Variants in PDCL2 observed in about 807,000 individuals in gnomAD.
PDCL2 encodes phosducin-like protein 2.
In PDCL2, 23 loss-of-function variants were observed where a neutral mutation model predicts 30.3. The observed-to-expected ratio is 0.76, with a 90% confidence interval of 0.55 to 1.08. The LOEUF is 1.08. PDCL2 is among the 50% of genes least tolerant of loss of function. The pLI, the probability that PDCL2 is intolerant of heterozygous loss-of-function variation, is 0.00. For synonymous variants in PDCL2, 68 were observed against 86.2 expected, an observed-to-expected ratio of 0.79 and a Z score of 1.17; for missense variants, 243 against 282.3, an observed-to-expected ratio of 0.86 and a Z score of 1.00.
intron 3 of PDCL2, among the ~76,000 whole-genome samples, chr4:55,574,701 A>G (rs1027337461): frequency 6.6e-6 from 1 of 152,126 alleles, no homozygotes; most frequent in African/African-American, 2.4e-5. Context: ...GTAACCAATA[A>G]TTGTGTTCTG....
At chr4:55,588,945 C>T (rs1252230672) in intron 1 of PDCL2, among the ~76,000 whole-genome samples, 1 of 151,702 alleles carries the variant, frequency 6.6e-6, no homozygotes, top group African/African-American at 2.4e-5. Context: ...GCAAGCTCTG[C>T]CTCCTGGGTT....
At chr4:55,576,119 T>C (rs1248733920) in intron 3 of PDCL2, among the ~76,000 whole-genome samples, 3 of 152,040 alleles carry the variant, frequency 2.0e-5, no homozygotes, top group Non-Finnish European at 2.9e-5. Flanking sequence ...TTTGAGACAG[T>C]CTTGCTTTGT....
intron 3 of PDCL2, among the ~76,000 whole-genome samples, chr4:55,576,063 G>C (rs1176369653): frequency 6.6e-6 from 1 of 151,862 alleles, no homozygotes; most frequent in Non-Finnish European, 1.5e-5. Context: ...TTTTACATAG[G>C]AAAATGTAAA....
At chr4:55,565,973 GTTTTTT>G (rs71194595) in intron 4 of PDCL2, among the ~76,000 whole-genome samples, 9 of 74,502 alleles carry the variant, frequency 1.2e-4, no homozygotes, top group African/African-American at 3.6e-4. Flanking sequence ...CCATTTTTCT[GTTTTTT>G]TTTTTTTTTT....
At chr4:55,579,308 T>C (rs1421435244) in intron 3 of PDCL2, among the ~76,000 whole-genome samples, 1 of 152,070 alleles carries the variant, frequency 6.6e-6, no homozygotes, top group Non-Finnish European at 1.5e-5. Flanking sequence ...TATTAGAGAA[T>C]AGTATTTATT....
chr4:55,572,068 C>T (rs772177132), intron 3 of PDCL2, among the ~76,000 whole-genome samples: 1 of 120,066 alleles, frequency 8.3e-6, no homozygotes, highest in East Asian at 2.8e-4. Context: ...TCTCCTCTTC[C>T]ACTTCTTCCT....
chr4:55,580,997 C>T (rs906062204), intron 2 of PDCL2, 86 bp from the exon 3 acceptor site: 4 of 903,394 alleles, frequency 4.4e-6, no homozygotes, highest in Admixed American at 6.3e-5. Context: ...CCGTCTTATA[C>T]AAAGGAGATC....
chr4:55,582,465 T>C (rs577068720), intron 1 of PDCL2, among the ~76,000 whole-genome samples: 21 of 152,330 alleles, frequency 1.4e-4, no homozygotes, highest in Middle Eastern at 3.4e-3. Context: ...AGAATACATA[T>C]AGAGAATATT....
At chr4:55,559,225 T>C (rs764763908) in intron 5 of PDCL2, among the ~76,000 whole-genome samples, 1 of 152,222 alleles carries the variant, frequency 6.6e-6, no homozygotes, top group Non-Finnish European at 1.5e-5. Flanking sequence ...TCAAGTGAAG[T>C]TGAAAATGTG....
chr4:55,583,465 T>A (rs1324531218), intron 1 of PDCL2, among the ~76,000 whole-genome samples: 1 of 152,190 alleles, frequency 6.6e-6, no homozygotes, highest in Non-Finnish European at 1.5e-5. Flanking sequence ...GCTTGGGGGA[T>A]TAAATCCAAA....
intron 1 of PDCL2, among the ~76,000 whole-genome samples, chr4:55,583,604 G>C (rs1732784340): frequency 6.6e-6 from 1 of 152,018 alleles, no homozygotes; most frequent in Non-Finnish European, 1.5e-5. Flanking sequence ...AGATGGAGTG[G>C]GATAAGGGTC....
chr4:55,576,578 T>C (rs1732574235), intron 3 of PDCL2, among the ~76,000 whole-genome samples: 1 of 152,178 alleles, frequency 6.6e-6, no homozygotes, highest in Non-Finnish European at 1.5e-5. Context: ...TTATTCAAAG[T>C]AGGCCACTGT....
chr4:55,562,283 T>A (rs909150718), intron 5 of PDCL2, 121 bp downstream of exon 5: 22 of 530,174 alleles, frequency 4.1e-5, no homozygotes, highest in Non-Finnish European at 6.2e-5. Context: ...TCTGGAGGCA[T>A]ATAAAAAGAG....
In PDCL2 at chr4:55,580,923, T is replaced by C. The variant is rs530723049; in HGVS notation, c.128-12A>G. 1.6e-5 allele frequency: 25 copies of C among 1,574,120 alleles called. No homozygotes were observed. In the South Asian group the frequency reaches 2.6e-4, roughly 16 times the overall value. ...TTCAAATGGTTTCACTAAAACAACA[T>C]AAATTATAGATTATCAAATTGTTTA... On this transcript the variant is annotated splice_polypyrimidine_tract_variant and intron_variant, in intron 2 of 5. Transcript: ENST00000295645.
chr4:55,570,653 G>A (rs1319583115), intron 3 of PDCL2, among the ~76,000 whole-genome samples: 2 of 132,468 alleles, frequency 1.5e-5, no homozygotes, highest in Non-Finnish European at 3.4e-5. Context: ...CACACTGTGA[G>A]CATTCAATAA....
chr4:55,573,560 G>A (rs1732485205), intron 3 of PDCL2, among the ~76,000 whole-genome samples: 1 of 152,058 alleles, frequency 6.6e-6, no homozygotes, highest in South Asian at 2.1e-4. Flanking sequence ...GACCAGCCTG[G>A]CCAACGTGGT....
At chr4:55,586,457 A>C (rs886347166) in intron 1 of PDCL2, among the ~76,000 whole-genome samples, 1 of 152,130 alleles carries the variant, frequency 6.6e-6, no homozygotes. Flanking sequence ...TGACTGGCTT[A>C]TTTCGCTTAG....
chr4:55,561,164 T>A (rs1732122792), intron 5 of PDCL2, among the ~76,000 whole-genome samples: 2 of 151,902 alleles, frequency 1.3e-5, no homozygotes, highest in Non-Finnish European at 1.5e-5. Flanking sequence ...AGGAAAGGCC[T>A]TAGAAGATTA....
intron 1 of PDCL2, among the ~76,000 whole-genome samples, chr4:55,588,102 A>C (rs1455519548): frequency 6.6e-6 from 1 of 152,188 alleles, no homozygotes; most frequent in Non-Finnish European, 1.5e-5. Flanking sequence ...AATAAATCTC[A>C]GGACCCCCAA....
Sources: allele counts gnomAD v4.1 joint callset (sites outside exome capture counted in the v4.1 genomes callset), GRCh38; gene constraint gnomAD v4.1.1; transcripts MANE v1.5; gene names NCBI Gene and HGNC (gene_info 2026-07-23, HGNC 2026-07-21).